ARHGEF26: variants seen among roughly 807,000 people sequenced by gnomAD.
ARHGEF26 encodes Rho guanine nucleotide exchange factor 26.
In ARHGEF26, 59 loss-of-function variants were observed where a neutral mutation model predicts 89.4. That is an observed-to-expected ratio of 0.66 (90% CI 0.54 to 0.82). ARHGEF26 has a LOEUF of 0.82. ARHGEF26 is among the 40% of genes least tolerant of loss of function. The probability of loss-of-function intolerance (pLI) is 0.00; values close to 1 mark genes in which losing one functional copy is unlikely to be tolerated. For synonymous variants in ARHGEF26, 500 were observed against 428.4 expected (o/e 1.17, Z -2.06); for missense variants, 1,234 against 1,085.6 (o/e 1.14, Z -1.92).
intron 6 of ARHGEF26, among the ~76,000 whole-genome samples, chr3:154,184,326 T>A (rs1016464857): frequency 2.0e-5 from 3 of 152,160 alleles, no homozygotes; most frequent in African/African-American, 7.2e-5. Flanking sequence ...ACAGTTGGAG[T>A]TAAATGACAA....
intron 9 of ARHGEF26, among the ~76,000 whole-genome samples, chr3:154,195,189 A>G (rs988835109): frequency 1.3e-5 from 2 of 152,216 alleles, no homozygotes; most frequent in African/African-American, 2.4e-5. Context: ...GACCTAACAC[A>G]GGAGTGGCTG....
intron 11 of ARHGEF26, among the ~76,000 whole-genome samples, chr3:154,238,483 C>T (rs1388956807): frequency 6.6e-6 from 1 of 152,112 alleles, no homozygotes; most frequent in Non-Finnish European, 1.5e-5. Flanking sequence ...AGGAGCATGA[C>T]AAAAGAGTGG....
intron 13 of ARHGEF26, among the ~76,000 whole-genome samples, chr3:154,253,412 A>G (rs1718285174): frequency 6.6e-6 from 1 of 152,256 alleles, no homozygotes; most frequent in South Asian, 2.1e-4. Flanking sequence ...ATCATTGCTT[A>G]GCATTGCAGA....
intron 6 of ARHGEF26, among the ~76,000 whole-genome samples, chr3:154,154,824 G>T (rs909236474): frequency 1.3e-5 from 2 of 151,820 alleles, no homozygotes; most frequent in Non-Finnish European, 2.9e-5. Flanking sequence ...TCATCCAGCC[G>T]CCTATCTGTA....
In ARHGEF26 at chr3:154,188,259, A is replaced by G. The variant is rs72994609; in HGVS notation, c.1640+422A>G. On this transcript the variant is annotated intron_variant, in intron 7 of 14. Transcript: ENST00000465093. ...TACTATTCTGATCTCCCTCCATTCA[A>G]TTGACAACGATAATAAATTGTTCAT... Among the ~76,000 whole-genome samples, 508 of 152,306 alleles carry G rather than the reference A, an allele frequency of 3.3e-3. 2 individuals carry two copies. The highest frequency in any genetic ancestry group is 0.012 in the African/African-American group (490 of 41,568).
At chr3:154,229,217 T>TA (rs1246247039) in intron 11 of ARHGEF26, among the ~76,000 whole-genome samples, 1 of 152,074 alleles carries the variant, frequency 6.6e-6, no homozygotes, top group African/African-American at 2.4e-5. Flanking sequence ...ATTTTTTTTT[T>TA]AGAGACGGGA....
intron 9 of ARHGEF26, among the ~76,000 whole-genome samples, chr3:154,211,166 A>G (rs1290718824): frequency 1.3e-5 from 2 of 151,968 alleles, no homozygotes; most frequent in African/African-American, 2.4e-5. Context: ...GTGTCTCAGT[A>G]TGTCATGTGA....
chr3:154,219,151 C>T (rs1715962308), intron 10 of ARHGEF26, among the ~76,000 whole-genome samples: 4 of 152,182 alleles, frequency 2.6e-5, no homozygotes, highest in Admixed American at 2.6e-4. Flanking sequence ...ATCTCGTTCT[C>T]TCTAATTTGT....
intron 3 of ARHGEF26, among the ~76,000 whole-genome samples, chr3:154,127,555 G>C (rs1718405615): frequency 6.6e-6 from 1 of 151,004 alleles, no homozygotes; most frequent in Non-Finnish European, 1.5e-5. Context: ...GTGTCTTCTG[G>C]AATACCTCCT....
intron 7 of ARHGEF26, among the ~76,000 whole-genome samples, chr3:154,188,757 T>C (rs1713751644): frequency 6.6e-6 from 1 of 152,104 alleles, no homozygotes; most frequent in African/African-American, 2.4e-5. Flanking sequence ...CTTGGAGAAA[T>C]AGTCAAAGCC....
chr3:154,216,496 TTTTTTATTTTTTA>T (rs1715744905), intron 9 of ARHGEF26, among the ~76,000 whole-genome samples: 13 of 31,146 alleles, frequency 4.2e-4, no homozygotes, highest in African/African-American at 1.6e-3. Context: ...TTTTTTATTT[TTTTTTATTTTTTA>T]TTTTTTTTTT....
intron 6 of ARHGEF26, among the ~76,000 whole-genome samples, chr3:154,154,452 A>G (rs1289989459): frequency 6.6e-6 from 1 of 152,090 alleles, no homozygotes; most frequent in Non-Finnish European, 1.5e-5. Flanking sequence ...CTCCAAATTT[A>G]TCAAAGTATA....
At chr3:154,170,270 A>T (rs1712340649) in intron 6 of ARHGEF26, among the ~76,000 whole-genome samples, 1 of 152,104 alleles carries the variant, frequency 6.6e-6, no homozygotes, top group African/African-American at 2.4e-5. Flanking sequence ...CTGAGGTGGG[A>T]GGACTGCCTG....
At chr3:154,241,588 T>A (rs1488341717) in intron 12 of ARHGEF26, among the ~76,000 whole-genome samples, 2 of 152,268 alleles carry the variant, frequency 1.3e-5, no homozygotes, top group African/African-American at 4.8e-5. Flanking sequence ...GCAGCCTTTA[T>A]GCAAGGTCAT....
chr3:154,238,075 G>A (rs963407170), intron 11 of ARHGEF26, among the ~76,000 whole-genome samples: 3 of 152,130 alleles, frequency 2.0e-5, no homozygotes, highest in African/African-American at 7.2e-5. Flanking sequence ...GTCTGATATA[G>A]TATCTATACA....
chr3:154,162,754 C>T (rs948801794), intron 6 of ARHGEF26, among the ~76,000 whole-genome samples: 6 of 152,072 alleles, frequency 3.9e-5, no homozygotes, highest in Admixed American at 3.9e-4. Context: ...TTGACACTTA[C>T]CTCGCCCCCT....
At chr3:154,180,281 A>G (rs151336665) in intron 6 of ARHGEF26, among the ~76,000 whole-genome samples, 167 of 152,266 alleles carry the variant, frequency 1.1e-3, no homozygotes, top group African/African-American at 3.9e-3. Flanking sequence ...GAGATGATGG[A>G]CATTAATAAT....
intron 11 of ARHGEF26, among the ~76,000 whole-genome samples, chr3:154,228,836 A>G (rs1460867755): frequency 6.6e-6 from 1 of 152,208 alleles, no homozygotes; most frequent in African/African-American, 2.4e-5. Context: ...AGTTACAGAT[A>G]AAGGAAAATC....
chr3:154,230,332 T>G (rs1295289045), intron 11 of ARHGEF26, among the ~76,000 whole-genome samples: 1 of 152,208 alleles, frequency 6.6e-6, no homozygotes. Context: ...AAATATCTTT[T>G]TCAAGGTCTT....
Sources: gnomAD v4.1 joint callset for allele counts (sites outside exome capture counted in the v4.1 genomes callset) on GRCh38, gnomAD v4.1.1 for gene constraint, MANE v1.5 for transcripts, NCBI Gene and HGNC (gene_info 2026-07-23, HGNC 2026-07-21) for gene names.